The following RBFOX1 variants were observed in gnomAD, a reference collection of about 807,000 sequenced individuals.
The protein encoded by RBFOX1 is RNA binding protein fox-1 homolog 1.
A neutral mutation model predicts 57.7 loss-of-function variants in RBFOX1; 8 were observed. That is an observed-to-expected ratio of 0.14 (90% CI 0.08 to 0.25). The LOEUF is 0.25. RBFOX1 is among the 10% of genes least tolerant of loss of function. The probability of loss-of-function intolerance (pLI) is 1.00; values close to 1 mark genes in which losing one functional copy is unlikely to be tolerated. For missense variants in RBFOX1, 611 were observed against 548.5 expected (o/e 1.11, Z -1.14); for synonymous variants, 326 against 222.4 (o/e 1.47, Z -4.15).
At chr16:6,925,964 T>G (rs909783105) in intron 3 of RBFOX1, among the ~76,000 whole-genome samples, 8 of 152,160 alleles carry the variant, frequency 5.3e-5, no homozygotes, top group African/African-American at 1.9e-4. Flanking sequence ...TCGTTAAGTC[T>G]GTAGTCCTGG....
chr16:6,715,065 C>G (rs532773308), intron 3 of RBFOX1, among the ~76,000 whole-genome samples: 1 of 152,036 alleles, frequency 6.6e-6, no homozygotes, highest in Non-Finnish European at 1.5e-5. Context: ...TAGTTTTGTT[C>G]CTTCTCCTAA....
intron 2 of RBFOX1, among the ~76,000 whole-genome samples, chr16:6,441,788 A>G (rs2094388248): frequency 6.6e-6 from 1 of 152,106 alleles, no homozygotes; most frequent in Admixed American, 6.5e-5. Context: ...TTTACGTCTC[A>G]CAGCTTTAGC....
intron 3 of RBFOX1, among the ~76,000 whole-genome samples, chr16:6,969,034 C>T (rs1019848966): frequency 2.0e-5 from 3 of 151,780 alleles, no homozygotes; most frequent in African/African-American, 4.8e-5. Flanking sequence ...CTTTTTTTCT[C>T]CTGTAGTTAA....
At chr16:6,649,527 T>A (rs2098559575) in intron 2 of RBFOX1, among the ~76,000 whole-genome samples, 1 of 152,172 alleles carries the variant, frequency 6.6e-6, no homozygotes, top group African/African-American at 2.4e-5. Context: ...CCCGACACTT[T>A]CCCCTGAGTC....
At chr16:6,792,663 C>G (rs1222730191) in intron 3 of RBFOX1, among the ~76,000 whole-genome samples, 1 of 152,020 alleles carries the variant, frequency 6.6e-6, no homozygotes, top group African/African-American at 2.4e-5. Context: ...ATGTCTTTTT[C>G]ATTTCTGGTT....
chr16:6,902,845 C>G lies in RBFOX1; in HGVS notation c.-15-149212C>G, dbSNP rs755584680. Among the ~76,000 whole-genome samples, 94 of 152,178 alleles carry G rather than the reference C, an allele frequency of 6.2e-4. 1 individual carries two copies. The highest frequency in any genetic ancestry group is 1.5e-3 in the Admixed American group (23 of 15,276). On this transcript the variant is annotated intron_variant, in intron 3 of 15. Transcript: ENST00000550418. ...GATTGTACACTGTTTTCCATCTGTTCATTTATTTATTTATAGATTGTTTCA... is the reference window on the plus strand; with the variant it reads ...GATTGTACACTGTTTTCCATCTGTTGATTTATTTATTTATAGATTGTTTCA...
At chr16:6,260,559 A>G (rs574286915) in intron 1 of RBFOX1, among the ~76,000 whole-genome samples, 2 of 152,172 alleles carry the variant, frequency 1.3e-5, no homozygotes, top group African/African-American at 4.8e-5. Flanking sequence ...AAATATCTGT[A>G]TTAAGATATA....
At chr16:5,476,028 C>G (rs1425415757) in intron 2 of RBFOX1, among the ~76,000 whole-genome samples, 1 of 152,112 alleles carries the variant, frequency 6.6e-6, no homozygotes, top group East Asian at 1.9e-4. Flanking sequence ...TTATACCAAG[C>G]AGCTCATCCA....
rs530954140 is a variant in RBFOX1 at position 7,315,358 on chromosome 16, G to A, written c.28-202789G>A. Among the ~76,000 whole-genome samples, 9 of 151,772 alleles carry A rather than the reference G, an allele frequency of 5.9e-5. No homozygotes were observed. The South Asian group carries it at 1.5e-3, about 25-fold the overall frequency. ...TGAGTTAAAAAAGAAAGATACGTAAGGCTTTTAGGAAATAAACATGTCATT... is the reference window on the plus strand; with the variant it reads ...TGAGTTAAAAAAGAAAGATACGTAAAGCTTTTAGGAAATAAACATGTCATT... On this transcript the variant is annotated intron_variant, in intron 4 of 15. Coordinates refer to ENST00000550418, the MANE Select transcript of RBFOX1 (RefSeq NM_018723.4).
At chr16:5,932,280 C>G (rs748602842) in intron 4 of RBFOX1, among the ~76,000 whole-genome samples, 1 of 152,164 alleles carries the variant, frequency 6.6e-6, no homozygotes, top group Non-Finnish European at 1.5e-5. Context: ...GGGCCGTGCC[C>G]TAAGGAATAC....
At chr16:7,510,182 T>G in intron 4 of RBFOX1, 2 of 985,824 alleles carry the variant, frequency 2.0e-6, no homozygotes, top group Non-Finnish European at 2.4e-6. Context: ...AACACCCCGA[T>G]CATCCACACA....
At chr16:6,690,324 T>A (rs986859112) in intron 3 of RBFOX1, among the ~76,000 whole-genome samples, 1 of 152,110 alleles carries the variant, frequency 6.6e-6, no homozygotes, top group Non-Finnish European at 1.5e-5. Context: ...CTTAGAGTGA[T>A]AACATCACCT....
intron 1 of RBFOX1, among the ~76,000 whole-genome samples, chr16:5,354,760 G>C (rs1416945135): frequency 1.3e-5 from 2 of 152,194 alleles, no homozygotes; most frequent in Non-Finnish European, 2.9e-5. Context: ...CATTTCGAAG[G>C]TACCAGGGCA....
Position 7,144,588 on chromosome 16 carries a change from A to G in RBFOX1, c.27+92490A>G, listed in dbSNP as rs868212822. The stretch of plus-strand genomic sequence containing the variant: ...TACATGCATGAGCTACTGCGCCTGA[A>G]TCTAGACCTATTTAGAAAGTTCAAG... On this transcript the variant is annotated intron_variant, in intron 4 of 15. Coordinates refer to ENST00000550418, the MANE Select transcript of RBFOX1 (RefSeq NM_018723.4). Among the ~76,000 whole-genome samples, 3 of 151,576 alleles carry G rather than the reference A, an allele frequency of 2.0e-5. No homozygotes were observed. In the South Asian group the frequency reaches 6.3e-4, roughly 32 times the overall value.
chr16:6,353,382 G>T (rs2086729953), intron 2 of RBFOX1, among the ~76,000 whole-genome samples: 1 of 151,522 alleles, frequency 6.6e-6, no homozygotes, highest in South Asian at 2.1e-4. Flanking sequence ...TAGCTCATTT[G>T]CCATCCTAGA....
intron 4 of RBFOX1, among the ~76,000 whole-genome samples, chr16:7,405,101 T>C (rs2098315852): frequency 6.6e-6 from 1 of 152,234 alleles, no homozygotes; most frequent in African/African-American, 2.4e-5. Context: ...AGGGTGATTC[T>C]TGAGAGCTTT....
chr16:7,292,337 GAT>G (rs983457971), intron 4 of RBFOX1, among the ~76,000 whole-genome samples: 19 of 131,070 alleles, frequency 1.4e-4, no homozygotes, highest in Admixed American at 7.4e-4. Context: ...TATCATACAT[GAT>G]ATATATAATA....
At chr16:7,546,014 T>TAA (rs71150312) in intron 5 of RBFOX1, among the ~76,000 whole-genome samples, 3,800 of 134,032 alleles carry the variant, frequency 0.028, 81 homozygotes, top group African/African-American at 0.064. Context: ...TCTGAGCTTA[T>TAA]AAAAAAAAAA....
chr16:5,316,378 G>T (rs892396089), intron 1 of RBFOX1, among the ~76,000 whole-genome samples: 1 of 152,174 alleles, frequency 6.6e-6, no homozygotes, highest in African/African-American at 2.4e-5. Context: ...TGTGTCTAGT[G>T]CCCAGCACAC....
Sources: gnomAD v4.1 joint callset for allele counts (sites outside exome capture counted in the v4.1 genomes callset) on GRCh38, gnomAD v4.1.1 for gene constraint, MANE v1.5 for transcripts, NCBI Gene and HGNC (gene_info 2026-07-23, HGNC 2026-07-21) for gene names.